Variants in LEKR1 observed in about 807,000 individuals in gnomAD.
LEKR1 encodes leucine, glutamate and lysine rich 1, also known as protein LEKR1.
Under a neutral mutation model 72.4 loss-of-function variants are expected in LEKR1, and 59 were observed. The observed-to-expected ratio is 0.82, with a 90% CI of 0.66 to 1.01. The LOEUF is 1.01. LEKR1 is among the 50% of genes least tolerant of loss of function. The probability of loss-of-function intolerance (pLI) is 0.00; values close to 1 mark genes in which losing one functional copy is unlikely to be tolerated. For synonymous variants in LEKR1, 257 were observed against 263.2 expected, an observed-to-expected ratio of 0.98 and a Z score of 0.23; for missense variants, 728 against 759.2, an observed-to-expected ratio of 0.96 and a Z score of 0.48.
chr3:156,994,049 G>T (rs1290537326), intron 9 of LEKR1, among the ~76,000 whole-genome samples: 1 of 151,906 alleles, frequency 6.6e-6, no homozygotes, highest in Non-Finnish European at 1.5e-5. Flanking sequence ...AAGAACACAA[G>T]TTTCATAAGG....
chr3:156,987,037 GTAT>G (rs1730753689), intron 7 of LEKR1, among the ~76,000 whole-genome samples: 1 of 145,360 alleles, frequency 6.9e-6, no homozygotes, highest in African/African-American at 2.6e-5. Context: ...GTATTGTATT[GTAT>G]TGTATTGTAT....
intron 3 of LEKR1, among the ~76,000 whole-genome samples, chr3:156,862,006 T>C (rs1716814810): frequency 6.6e-6 from 1 of 152,146 alleles, no homozygotes; most frequent in Non-Finnish European, 1.5e-5. Context: ...ACTATCAGTA[T>C]AAATAATGTT....
intron 9 of LEKR1, among the ~76,000 whole-genome samples, chr3:157,000,143 C>G (rs1731894504): frequency 6.6e-6 from 1 of 152,110 alleles, no homozygotes; most frequent in South Asian, 2.1e-4. Flanking sequence ...TCACCCCCAA[C>G]CCCCTCAGTA....
intron 3 of LEKR1, among the ~76,000 whole-genome samples, chr3:156,873,353 G>GT (rs529605168): frequency 2.6e-4 from 40 of 151,732 alleles, no homozygotes; most frequent in Non-Finnish European, 5.3e-4. Flanking sequence ...ATTGTGTCAT[G>GT]TTTTTTTAAT....
intron 5 of LEKR1, among the ~76,000 whole-genome samples, chr3:156,941,926 CTAAA>C (rs1020031491): frequency 1.3e-5 from 2 of 151,904 alleles, no homozygotes; most frequent in African/African-American, 2.4e-5. Context: ...ATTAAACAAT[CTAAA>C]TAGAATAATG....
At chr3:156,978,852 A>T (rs1485202425) in intron 6 of LEKR1, among the ~76,000 whole-genome samples, 1 of 152,194 alleles carries the variant, frequency 6.6e-6, no homozygotes, top group East Asian at 1.9e-4. Flanking sequence ...TTTAGAAACA[A>T]GACACGTGAT....
intron 3 of LEKR1, among the ~76,000 whole-genome samples, chr3:156,906,900 AAT>A (rs1286322787): frequency 1.3e-5 from 2 of 152,104 alleles, no homozygotes; most frequent in Non-Finnish European, 2.9e-5. Flanking sequence ...ATGGACTGAG[AAT>A]TCTTTTCTGA....
chr3:156,854,544 C>CTT (rs200368304), intron 3 of LEKR1, among the ~76,000 whole-genome samples: 5 of 144,526 alleles, frequency 3.5e-5, no homozygotes, highest in Non-Finnish European at 6.0e-5. Context: ...TTCTTTCTTT[C>CTT]CTTTTTTTTT....
intron 3 of LEKR1, among the ~76,000 whole-genome samples, chr3:156,907,005 A>G (rs1350757345): frequency 6.6e-6 from 1 of 152,142 alleles, no homozygotes; most frequent in East Asian, 1.9e-4. Flanking sequence ...ATAAACTTAA[A>G]TATCTACTAT....
rs532735879 is a variant in LEKR1, at chr3:157,011,506, G to A, written c.1203G>A (p.Lys401=). ...TGAGTGATGATAACTGGAAGGAGAA[G>A]GTAATGGTAGTGTGGCTTTCATCAG... ...KLLSDDNWKE[K]IEAELAKERA... The change falls in exon 10 of 13, where the codon AAG becomes AAA. Residue 401 remains lysine, a splice_region_variant and synonymous_variant. Coordinates refer to ENST00000356539, the MANE Select transcript of LEKR1 (RefSeq NM_001004316.3). The A allele has an allele frequency of 2.9e-5, 47 of 1,606,140 alleles. No individual in the cohort carries two copies. In the Admixed American group the frequency reaches 6.8e-4, roughly 23 times the overall value.
chr3:156,997,674 A>G (rs1468918300), intron 9 of LEKR1, among the ~76,000 whole-genome samples: 1 of 152,106 alleles, frequency 6.6e-6, no homozygotes, highest in Non-Finnish European at 1.5e-5. Context: ...TTCCTCCCTG[A>G]CCCCTCAGGA....
chr3:157,038,015 T>C (rs976816281), intron 12 of LEKR1, among the ~76,000 whole-genome samples: 1 of 152,216 alleles, frequency 6.6e-6, no homozygotes, highest in Admixed American at 6.5e-5. Context: ...TCGTAGGCTA[T>C]GATAAGGTCT....
chr3:156,932,148 T>C (rs1385157190), intron 5 of LEKR1, among the ~76,000 whole-genome samples: 3 of 152,198 alleles, frequency 2.0e-5, no homozygotes, highest in African/African-American at 7.2e-5. Flanking sequence ...AAAGAAAATA[T>C]AGTAAAATAT....
rs773284850 is a variant in LEKR1 at position 157,028,353 on chromosome 3, T to C, written c.1619T>C (p.Met540Thr). Residue 540 changes from methionine (M) to threonine (T), a missense_variant, in exon 12 of 13, where the codon ATG (methionine) becomes ACG (threonine). Transcript: ENST00000356539. ...EQKSDELKRV[M>T]LAQTQLIEQF... ...AAGTCGGATGAACTGAAAAGAGTAA[T>C]GCTGGCTCAAACACAACTGATAGAG... 6.2e-6 allele frequency: 10 copies of C among 1,612,614 alleles called. No homozygotes were observed. The African/African-American group carries it at 1.1e-4, about 17-fold the overall frequency.
At chr3:156,910,700 A>G (rs1217642720) in intron 3 of LEKR1, among the ~76,000 whole-genome samples, 1 of 152,220 alleles carries the variant, frequency 6.6e-6, no homozygotes, top group Non-Finnish European at 1.5e-5. Context: ...ATAGTATTCC[A>G]TATATTCCAT....
chr3:156,860,302 C>T (rs540876125), intron 3 of LEKR1, among the ~76,000 whole-genome samples: 325 of 152,274 alleles, frequency 2.1e-3, no homozygotes, highest in Non-Finnish European at 3.7e-3. Context: ...CAATAAAATG[C>T]ATCTCTAAGT....
chr3:156,882,240 G>A (rs1187498995), intron 3 of LEKR1, among the ~76,000 whole-genome samples: 66 of 151,946 alleles, frequency 4.3e-4, no homozygotes, highest in African/African-American at 1.4e-3. Context: ...GAAAATTTTC[G>A]CAACCTACTC....
chr3:156,945,683 C>A (rs1379381647), intron 6 of LEKR1, among the ~76,000 whole-genome samples: 1 of 151,638 alleles, frequency 6.6e-6, no homozygotes, highest in Non-Finnish European at 1.5e-5. Context: ...ATCCTGTTTT[C>A]CCAGGAGCAT....
chr3:156,832,470 C>T (rs1712548097), intron 2 of LEKR1, among the ~76,000 whole-genome samples: 2 of 152,302 alleles, frequency 1.3e-5, no homozygotes, highest in East Asian at 1.9e-4. Flanking sequence ...AAAATAAGTT[C>T]CAGTCCCATT....
Sources: allele counts gnomAD v4.1 joint callset (sites outside exome capture counted in the v4.1 genomes callset), GRCh38; gene constraint gnomAD v4.1.1; transcripts MANE v1.5; gene names NCBI Gene and HGNC (gene_info 2026-07-23, HGNC 2026-07-21).